The following DTD1 variants were observed in gnomAD, a reference collection of about 807,000 sequenced individuals.
The protein encoded by DTD1 is D-tyrosyl-tRNA deacylase 1 homolog.
DTD1 carries 13 observed loss-of-function variants against 25.6 expected under a neutral mutation model. The ratio of observed to expected loss-of-function variants is 0.51; its 90% CI spans 0.33 to 0.81. The LOEUF is 0.81. Among genes scored for constraint, DTD1 ranks in the 30% least tolerant of loss-of-function variants. DTD1 has a pLI of 0.02. For synonymous variants in DTD1, 110 were observed against 103.6 expected (o/e 1.06, Z -0.37); for missense variants, 193 against 266.4 (o/e 0.72, Z 1.92).
At chr20:18,639,025 C>T (rs2060818887) in intron 4 of DTD1, among the ~76,000 whole-genome samples, 1 of 152,028 alleles carries the variant, frequency 6.6e-6, no homozygotes, top group African/African-American at 2.4e-5. Context: ...TTCTTGCCTC[C>T]AAGGCCAGCA....
chr20:18,684,732 G>A (rs548103056), intron 4 of DTD1, among the ~76,000 whole-genome samples: 1 of 152,034 alleles, frequency 6.6e-6, no homozygotes, highest in Non-Finnish European at 1.5e-5. Flanking sequence ...TTTATTGATG[G>A]GTTCAAGAAA....
intron 4 of DTD1, among the ~76,000 whole-genome samples, chr20:18,721,958 C>T (rs1180179799): frequency 6.6e-6 from 1 of 152,152 alleles, no homozygotes; most frequent in Admixed American, 6.5e-5. Flanking sequence ...TCAGGCCGCT[C>T]CCCAGAATTA....
chr20:18,648,586 A>G (rs1417545827), intron 4 of DTD1, among the ~76,000 whole-genome samples: 1 of 152,198 alleles, frequency 6.6e-6, no homozygotes, highest in Admixed American at 6.5e-5. Flanking sequence ...TAAAGGCACT[A>G]AAAGGCAAAG....
chr20:18,729,178 AT>A (rs2061232262), intron 4 of DTD1, among the ~76,000 whole-genome samples: 1 of 151,976 alleles, frequency 6.6e-6, no homozygotes, highest in Admixed American at 6.6e-5. Flanking sequence ...GAGTTTTTGT[AT>A]TTTTTGTGGA....
At chr20:18,745,939 G>A (rs982226480) in intron 5 of DTD1, among the ~76,000 whole-genome samples, 1 of 152,178 alleles carries the variant, frequency 6.6e-6, no homozygotes, top group Non-Finnish European at 1.5e-5. Context: ...AGGCCCATTA[G>A]GAGGTGATTG....
At chr20:18,662,734 C>CAAATAT in intron 4 of DTD1, among the ~76,000 whole-genome samples, 1 of 151,940 alleles carries the variant, frequency 6.6e-6, no homozygotes, top group East Asian at 1.9e-4. Flanking sequence ...GGAGAGAAGT[C>CAAATAT]AAATATTCCC....
At chr20:18,626,591 T>G (rs1045029274) in intron 3 of DTD1, among the ~76,000 whole-genome samples, 2 of 152,020 alleles carry the variant, frequency 1.3e-5, no homozygotes, top group African/African-American at 4.8e-5. Flanking sequence ...TGAGTGTGTG[T>G]TTTTTTTAAA....
chr20:18,623,043 G>A (rs572046169), intron 3 of DTD1, among the ~76,000 whole-genome samples: 95 of 149,790 alleles, frequency 6.3e-4, no homozygotes, highest in African/African-American at 2.1e-3. Context: ...GGGTTCAAGC[G>A]ATTCTTCTGC....
Position 18,744,256 on chromosome 20 carries a change from A to T in DTD1, c.*4A>T, listed in dbSNP as rs1286300490. The T allele has an allele frequency of 1.2e-6, 2 of 1,610,836 alleles. No individual in the cohort carries two copies. The highest frequency in any genetic ancestry group is 1.7e-6 in the Non-Finnish European group (2 of 1,179,664). On this transcript the variant is annotated 3_prime_UTR_variant, in exon 5 of 6. Coordinates refer to ENST00000377452, the MANE Select transcript of DTD1 (RefSeq NM_080820.6). ...GTCCTCTGAACGGGAGCCGTAGCTC[A>T]GGAGGCAGAATTCAGGTAGGAGTTT...
At chr20:18,658,008 A>G (rs1209252564) in intron 4 of DTD1, among the ~76,000 whole-genome samples, 1 of 152,214 alleles carries the variant, frequency 6.6e-6, no homozygotes, top group Non-Finnish European at 1.5e-5. Flanking sequence ...AGGCAAGGAT[A>G]CTTGGGGCAC....
Position 18,678,177 on chromosome 20 carries a change from C to T in DTD1, c.477+49944C>T, listed in dbSNP as rs568432856. 2.6e-5 allele frequency among the ~76,000 whole-genome samples: 4 copies of T among 152,350 alleles called. No homozygotes were observed. In the South Asian group the frequency reaches 8.3e-4, roughly 32 times the overall value. On this transcript the variant is annotated intron_variant, in intron 4 of 5. Coordinates refer to ENST00000377452, the MANE Select transcript of DTD1 (RefSeq NM_080820.6). ...AGAAATTAGTGAAACTGCTTGTGTACTGGAGCGACCTGATGTAGATAGCCT... is the reference window on the plus strand; with the variant it reads ...AGAAATTAGTGAAACTGCTTGTGTATTGGAGCGACCTGATGTAGATAGCCT...
At chr20:18,655,831 C>T (rs1045543334) in intron 4 of DTD1, among the ~76,000 whole-genome samples, 17 of 152,098 alleles carry the variant, frequency 1.1e-4, no homozygotes, top group African/African-American at 2.7e-4. Flanking sequence ...AGTGCAATGG[C>T]GTGATCCGGC....
At chr20:18,669,548 G>T (rs2060944330) in intron 4 of DTD1, among the ~76,000 whole-genome samples, 1 of 152,092 alleles carries the variant, frequency 6.6e-6, no homozygotes, top group African/African-American at 2.4e-5. Flanking sequence ...TGTAACCAGG[G>T]CTTGTTCATC....
At chr20:18,732,915 C>T (rs752283948) in intron 4 of DTD1, among the ~76,000 whole-genome samples, 39 of 152,170 alleles carry the variant, frequency 2.6e-4, no homozygotes, top group Non-Finnish European at 5.1e-4. Context: ...CCAATGTAAG[C>T]GTCTGGTTAA....
At chr20:18,701,687 G>A (rs1764378115) in intron 4 of DTD1, among the ~76,000 whole-genome samples, 1 of 152,228 alleles carries the variant, frequency 6.6e-6, no homozygotes. Flanking sequence ...TGACACACAG[G>A]TCATCACTTA....
At chr20:18,756,388 G>T (rs2061339611) in intron 5 of DTD1, among the ~76,000 whole-genome samples, 1 of 152,142 alleles carries the variant, frequency 6.6e-6, no homozygotes, top group Admixed American at 6.5e-5. Flanking sequence ...TTCTTCTAGG[G>T]TTTTTATGGT....
intron 4 of DTD1, among the ~76,000 whole-genome samples, chr20:18,721,462 T>G (rs1485681476): frequency 6.6e-6 from 1 of 152,254 alleles, no homozygotes; most frequent in Non-Finnish European, 1.5e-5. Context: ...GTTAATACTT[T>G]GTTTAGGAGT....
intron 4 of DTD1, chr20:18,632,718 G>A (rs6081264): frequency 0.17 from 155,075 of 929,684 alleles, 13,848 homozygotes; most frequent in Non-Finnish European, 0.18. Context: ...TCTTTTAGCA[G>A]GTTCTTTTAA....
intron 4 of DTD1, among the ~76,000 whole-genome samples, chr20:18,695,192 C>T (rs2061066131): frequency 6.6e-6 from 1 of 152,036 alleles, no homozygotes; most frequent in Non-Finnish European, 1.5e-5. Context: ...ACGATTCACA[C>T]ATAGAGCTGG....
Sources: gnomAD v4.1 joint callset for allele counts (sites outside exome capture counted in the v4.1 genomes callset) on GRCh38, gnomAD v4.1.1 for gene constraint, MANE v1.5 for transcripts, NCBI Gene and HGNC (gene_info 2026-07-23, HGNC 2026-07-21) for gene names.